The following SLK variants were observed in gnomAD, a reference collection of about 807,000 sequenced individuals.
The protein encoded by SLK is STE20-like serine/threonine-protein kinase.
Under a neutral mutation model 147.7 loss-of-function variants are expected in SLK, and 67 were observed. That is an observed-to-expected ratio of 0.45 (90% confidence interval 0.37 to 0.56). The LOEUF (loss-of-function observed/expected upper bound fraction) is 0.56, where lower values mean the gene tolerates loss of function less well. SLK is among the 20% of genes least tolerant of loss of function. The pLI, the probability that SLK is intolerant of heterozygous loss-of-function variation, is 0.00. For missense variants in SLK, 1,136 were observed against 1,438.8 expected (o/e 0.79, Z 3.41); for synonymous variants, 441 against 475.0 (o/e 0.93, Z 0.93).
chr10:103,992,724 T>G (rs1290324953), intron 3 of SLK, 78 bp downstream of exon 3: 1 of 1,308,668 alleles, frequency 7.6e-7, no homozygotes, highest in Non-Finnish European at 1.0e-6. Context: ...CATATATAAA[T>G]ATATTCAAAT....
At chr10:104,018,587 C>T (rs536283622) in intron 14 of SLK, among the ~76,000 whole-genome samples, 197 bp from the exon 15 acceptor site, 5 of 151,992 alleles carry the variant, frequency 3.3e-5, no homozygotes, top group East Asian at 1.9e-4. Flanking sequence ...TCTGTTTATA[C>T]GACATTAGAA....
rs191782896 is a variant in SLK, at chr10:104,000,555, T to A, written c.864+607T>A. On this transcript the variant is annotated intron_variant, in intron 7 of 18. Transcript: ENST00000369755. ...CCCTGGAACACACTTTCTATTATTATTTTGTTACCCCCACACTTGAAGCCC... is the reference window on the plus strand; with the variant it reads ...CCCTGGAACACACTTTCTATTATTAATTTGTTACCCCCACACTTGAAGCCC... 4.8e-3 allele frequency among the ~76,000 whole-genome samples: 736 copies of A among 152,310 alleles called. 4 individuals carry two copies. Among genetic ancestry groups the A allele is most frequent in the Non-Finnish European group, 7.6e-3 (517 of 68,022 alleles).
At chr10:103,975,092 G>A (rs1843851898) in intron 1 of SLK, among the ~76,000 whole-genome samples, 1 of 151,720 alleles carries the variant, frequency 6.6e-6, no homozygotes, top group Non-Finnish European at 1.5e-5. Flanking sequence ...ACAGGGCTTG[G>A]GTATAGGCCA....
chr10:104,007,972 A>T (rs1468110629), intron 11 of SLK, among the ~76,000 whole-genome samples: 1 of 152,092 alleles, frequency 6.6e-6, no homozygotes, highest in Non-Finnish European at 1.5e-5. Flanking sequence ...AATAGAAAAA[A>T]AATTTCCATG....
intron 3 of SLK, 121 bp downstream of exon 3, chr10:103,992,767 C>T: frequency 5.1e-6 from 1 of 197,198 alleles, no homozygotes; most frequent in Non-Finnish European, 8.5e-6. Context: ...AGTAAGTTAA[C>T]TCAAGTATGT....
At chr10:103,983,235 C>T (rs1843969598) in intron 1 of SLK, among the ~76,000 whole-genome samples, 1 of 152,152 alleles carries the variant, frequency 6.6e-6, no homozygotes, top group Non-Finnish European at 1.5e-5. Context: ...AAAATCTTAG[C>T]AGGACTGAAA....
intron 4 of SLK, among the ~76,000 whole-genome samples, chr10:103,994,869 AG>A (rs1844146272): frequency 6.6e-6 from 1 of 152,180 alleles, no homozygotes. Context: ...ATGAATCCAA[AG>A]GCTTGATCAG....
rs1443051787 is a variant in SLK at position 103,992,969 on chromosome 10, A to G, written c.365-15A>G. 6.3e-7 allele frequency: 1 copy of G among 1,581,416 alleles called. No homozygotes were observed. The highest frequency in any genetic ancestry group is 1.4e-5 in the African/African-American group (1 of 72,426). ...GTATAAAAAGCAGATTTTTTTTTTT[A>G]CTTTCTCCTTATAGAACTTGAGAGA... On this transcript the variant is annotated splice_polypyrimidine_tract_variant and intron_variant, in intron 3 of 18. Coordinates refer to ENST00000369755, the MANE Select transcript of SLK (RefSeq NM_014720.4).
intron 1 of SLK, among the ~76,000 whole-genome samples, chr10:103,979,301 G>A (rs969282683): frequency 6.6e-6 from 1 of 152,196 alleles, no homozygotes; most frequent in African/African-American, 2.4e-5. Context: ...ATAGGCGTGA[G>A]CCACCGTATC....
chr10:103,981,951 A>G (rs530411721), intron 1 of SLK, among the ~76,000 whole-genome samples: 7 of 152,260 alleles, frequency 4.6e-5, no homozygotes, highest in South Asian at 2.1e-4. Context: ...TAGGCCTCCA[A>G]TATATGAACA....
rs1014951491 is a variant in SLK, at chr10:104,003,267, A to T, written c.2089A>T (p.Thr697Ser). Residue 697 changes from threonine (T) to serine (S), a missense_variant, in exon 9 of 19, where the codon ACT (threonine) becomes TCT (serine). Thr to Ser is a moderately conservative substitution (Grantham distance 58, BLOSUM62 1). Around this residue, in one of 6 missense-constraint regions of SLK, gnomAD observed 516 missense variants for 531.3 expected, o/e 0.97. Coordinates refer to ENST00000369755, the MANE Select transcript of SLK (RefSeq NM_014720.4). ...PVSIKKEPEV[T>S]VVSQPTEPQP... ...GTCAATTAAAAAAGAGCCTGAAGTT[A>T]CTGTAGTTTCACAGCCCACTGAACC... The T allele has an allele frequency of 1.2e-5, 20 of 1,613,718 alleles. No individual in the cohort carries two copies. The highest frequency in any genetic ancestry group is 1.6e-5 in the Non-Finnish European group (19 of 1,179,930).
Position 104,025,767 on chromosome 10 carries a change from T to C in SLK, c.*47T>C. On this transcript the variant is annotated 3_prime_UTR_variant, in exon 19 of 19. Transcript: ENST00000369755. ...TGGGTTTGGCTCTTTCAGTATGTCA[T>C]TCTGTTCTCATCTTCTGCCACAGTC... 1 of 1,555,738 alleles carries C rather than the reference T, an allele frequency of 6.4e-7. No individual in the cohort carries two copies. The highest frequency in any genetic ancestry group is 8.8e-7 in the Non-Finnish European group (1 of 1,132,344).
At chr10:103,983,561 C>G (rs1485815172) in intron 1 of SLK, among the ~76,000 whole-genome samples, 1 of 152,114 alleles carries the variant, frequency 6.6e-6, no homozygotes, top group Non-Finnish European at 1.5e-5. Flanking sequence ...GTATAGGGCA[C>G]TAGAGGGAGG....
rs1349477554 is a variant in SLK at position 103,990,696 on chromosome 10, G to A, written c.172G>A (p.Val58Ile). The A allele has an allele frequency of 6.4e-7, 1 of 1,566,758 alleles. No individual in the cohort carries two copies. ...TCAGGCCCAGAATAAAGAGACCAGT[G>A]TTTTAGCTGCTGCAAAAGTGATTGA... The part of the protein sequence containing the change: ...VYKAQNKETS[V>I]LAAAKVIDTK... Residue 58 changes from valine (V) to isoleucine (I), a missense_variant, in exon 2 of 19, where the codon GTT becomes ATT. Physicochemically the swap from Val to Ile is conservative, Grantham distance 29. This residue lies in a region of SLK where 126 missense variants were observed against 141.3 expected (regional missense o/e 0.89). Transcript: ENST00000369755.
intron 4 of SLK, among the ~76,000 whole-genome samples, chr10:103,993,538 A>C (rs956901886): frequency 2.0e-5 from 3 of 152,070 alleles, no homozygotes; most frequent in Non-Finnish European, 4.4e-5. Flanking sequence ...GTTTTTCCCC[A>C]TGTTTAGTTT....
intron 6 of SLK, among the ~76,000 whole-genome samples, chr10:103,999,660 TTATG>T (rs2134490910): frequency 6.6e-6 from 1 of 152,358 alleles, no homozygotes; most frequent in South Asian, 2.1e-4. Context: ...GTCTCAGTGA[TTATG>T]TACCTACTTA....
In SLK at chr10:103,990,667, A is replaced by T. The variant is rs1844080417; in HGVS notation, c.151-8A>T. On this transcript the variant is annotated splice_region_variant and splice_polypyrimidine_tract_variant and intron_variant, in intron 1 of 18. Transcript: ENST00000369755. The stretch of plus-strand genomic sequence containing the variant: ...GAAATGTGACACTTCTGATACTTTC[A>T]TTTTCAGGCCCAGAATAAAGAGACC... 6.6e-7 allele frequency: 1 copy of T among 1,520,426 alleles called. No homozygotes were observed. Among genetic ancestry groups the T allele is most frequent in the South Asian group, 1.4e-5 (1 of 73,538 alleles). The allele number at this position is 1,520,426 out of a possible 1,614,324, so 94.2% of individuals were successfully genotyped here. A position where few individuals can be genotyped will look rare whatever the true frequency, so the allele number is the denominator to read the frequency against.
intron 1 of SLK, among the ~76,000 whole-genome samples, chr10:103,975,007 C>G (rs1416538953): frequency 1.3e-5 from 2 of 151,332 alleles, no homozygotes; most frequent in African/African-American, 4.9e-5. Context: ...CTTGATTTTC[C>G]TTCCACCTCT....
rs1422790583 is a variant in SLK at position 104,002,211 on chromosome 10, A to G, written c.1033A>G (p.Ile345Val). 1.9e-6 allele frequency: 3 copies of G among 1,602,700 alleles called. No homozygotes were observed. Among genetic ancestry groups the G allele is most frequent in the Non-Finnish European group, 2.6e-6 (3 of 1,174,250 alleles). ...ASKRASSDLS[I>V]ASSEEDKLSQ... ...TAAGCGTGCATCTTCTGACCTTAGTATCGCCAGCTCTGAAGAAGATAAACT... is the reference window on the plus strand; with the variant it reads ...TAAGCGTGCATCTTCTGACCTTAGTGTCGCCAGCTCTGAAGAAGATAAACT... Residue 345 changes from isoleucine (I) to valine (V), a missense_variant, in exon 9 of 19, where the codon ATC (isoleucine) becomes GTC (valine). Ile to Val is a conservative substitution (Grantham distance 29, BLOSUM62 3). Coordinates refer to ENST00000369755, the MANE Select transcript of SLK (RefSeq NM_014720.4).
Sources: gnomAD v4.1 joint callset for allele counts (sites outside exome capture counted in the v4.1 genomes callset) on GRCh38, gnomAD v4.1.1 for gene constraint, gnomAD v4.1.1 regional missense constraint, MANE v1.5 for transcripts, NCBI Gene and HGNC (gene_info 2026-07-23, HGNC 2026-07-21) for gene names.